CBFA2T3: variants seen among roughly 807,000 people sequenced by gnomAD.
CBFA2T3 encodes the protein transcriptional corepressor CBFA2T3.
Under a neutral mutation model 58.6 loss-of-function variants are expected in CBFA2T3, and 31 were observed. The observed-to-expected ratio is 0.53, with a 90% CI of 0.40 to 0.71. The LOEUF is 0.71. Among genes scored for constraint, CBFA2T3 ranks in the 30% least tolerant of loss-of-function variants. The probability of loss-of-function intolerance (pLI) is 0.00; values close to 1 mark genes in which losing one functional copy is unlikely to be tolerated. For missense variants in CBFA2T3, 1,076 were observed against 963.1 expected, an observed-to-expected ratio of 1.12 and a Z score of -1.55; for synonymous variants, 531 against 421.9, an observed-to-expected ratio of 1.26 and a Z score of -3.17.
At chr16:88,934,203 C>T (rs12932149) in intron 1 of CBFA2T3, among the ~76,000 whole-genome samples, 199 of 131,132 alleles carry the variant, frequency 1.5e-3, no homozygotes, top group African/African-American at 6.9e-3. Flanking sequence ...CCTCGGCACA[C>T]GGAGGCACCG....
intron 2 of CBFA2T3, among the ~76,000 whole-genome samples, chr16:88,900,354 C>G (rs1444665802): frequency 6.6e-6 from 1 of 152,274 alleles, no homozygotes; most frequent in Non-Finnish European, 1.5e-5. Context: ...GCTGCCTGAC[C>G]GCACAGCCAG....
At chr16:88,961,305 T>C (rs1172883812) in intron 1 of CBFA2T3, among the ~76,000 whole-genome samples, 4 of 152,180 alleles carry the variant, frequency 2.6e-5, no homozygotes, top group Admixed American at 6.5e-5. Flanking sequence ...TTCCACTGCA[T>C]AGTAACCGAC....
At chr16:88,945,569 C>T (rs747514186) in intron 1 of CBFA2T3, among the ~76,000 whole-genome samples, 2 of 152,200 alleles carry the variant, frequency 1.3e-5, no homozygotes, top group Non-Finnish European at 2.9e-5. Flanking sequence ...GCACAGGAAA[C>T]GATGCCCAGC....
intron 1 of CBFA2T3, among the ~76,000 whole-genome samples, chr16:88,910,087 C>T (rs1302584029): frequency 2.0e-5 from 3 of 152,218 alleles, no homozygotes; most frequent in Admixed American, 6.5e-5. Flanking sequence ...CCAGCTGTCC[C>T]CTCTGGCCTA....
At chr16:88,898,009 G>T in intron 3 of CBFA2T3, 69 bp downstream of exon 3, 1 of 1,164,772 alleles carries the variant, frequency 8.6e-7, no homozygotes, top group Non-Finnish European at 1.3e-6. Flanking sequence ...GGGCAGCAGT[G>T]TTGGGCCAGC....
intron 3 of CBFA2T3, 55 bp downstream of exon 3, chr16:88,898,023 G>C: frequency 1.5e-6 from 2 of 1,300,370 alleles, no homozygotes; most frequent in South Asian, 1.2e-5. Context: ...GGCCAGCTGA[G>C]GATGCTGCGG....
At chr16:88,915,812 C>T (rs1970699193) in intron 1 of CBFA2T3, among the ~76,000 whole-genome samples, 1 of 151,610 alleles carries the variant, frequency 6.6e-6, no homozygotes. Context: ...GGTGGGCGGG[C>T]GCCCTGGTGG....
chr16:88,949,307 C>T (rs1323303614), intron 1 of CBFA2T3, among the ~76,000 whole-genome samples: 1 of 152,172 alleles, frequency 6.6e-6, no homozygotes, highest in Non-Finnish European at 1.5e-5. Context: ...ACCTGTAATC[C>T]CAGCACTTCG....
At chr16:88,975,526 C>G (rs1972834140) in intron 1 of CBFA2T3, among the ~76,000 whole-genome samples, 1 of 152,258 alleles carries the variant, frequency 6.6e-6, no homozygotes, top group African/African-American at 2.4e-5. Context: ...CACTCAGCGC[C>G]AGGGGATAGA....
At chr16:88,957,182 C>T (rs1156909357) in intron 1 of CBFA2T3, among the ~76,000 whole-genome samples, 1 of 152,250 alleles carries the variant, frequency 6.6e-6, no homozygotes, top group African/African-American at 2.4e-5. Context: ...ACTCCTCCCC[C>T]ATCGACCCAC....
intron 1 of CBFA2T3, among the ~76,000 whole-genome samples, chr16:88,949,586 A>T (rs1971994394): frequency 6.6e-6 from 1 of 151,926 alleles, no homozygotes; most frequent in South Asian, 2.1e-4. Flanking sequence ...AAAAGAAAGA[A>T]GATGGGCTGG....
At chr16:88,949,919 A>G (rs193233691) in intron 1 of CBFA2T3, among the ~76,000 whole-genome samples, 2 of 152,220 alleles carry the variant, frequency 1.3e-5, no homozygotes, top group African/African-American at 4.8e-5. Context: ...CTGAGGCAGG[A>G]GAATCACTTG....
intron 1 of CBFA2T3, among the ~76,000 whole-genome samples, chr16:88,931,789 G>T (rs1050889296): frequency 7.2e-5 from 11 of 152,244 alleles, no homozygotes; most frequent in African/African-American, 2.2e-4. Flanking sequence ...GGATGCAGGT[G>T]CTGTGGTCCC....
intron 5 of CBFA2T3, among the ~76,000 whole-genome samples, chr16:88,889,550 C>A (rs1035662137): frequency 1.3e-5 from 2 of 151,908 alleles, no homozygotes; most frequent in African/African-American, 4.8e-5. Context: ...AGGTTTGAGC[C>A]CTGGCGCCCT....
chr16:88,927,238 G>A (rs1207346137), intron 1 of CBFA2T3, among the ~76,000 whole-genome samples: 1 of 152,176 alleles, frequency 6.6e-6, no homozygotes, highest in South Asian at 2.1e-4. Context: ...AGATGTCAGC[G>A]TCAAGGCCAG....
At chr16:88,916,345 G>T (rs569306014) in intron 1 of CBFA2T3, among the ~76,000 whole-genome samples, 9 of 150,666 alleles carry the variant, frequency 6.0e-5, no homozygotes, top group African/African-American at 2.2e-4. Flanking sequence ...TGTGTGCATG[G>T]GTGTGTGTCC....
intron 1 of CBFA2T3, among the ~76,000 whole-genome samples, chr16:88,950,010 A>G (rs1972010595): frequency 6.6e-6 from 1 of 152,082 alleles, no homozygotes; most frequent in African/African-American, 2.4e-5. Flanking sequence ...GTCTGAAAAA[A>G]AAGAAAAGAA....
chr16:88,973,445 A>G (rs988601919), intron 1 of CBFA2T3, among the ~76,000 whole-genome samples: 3 of 152,170 alleles, frequency 2.0e-5, no homozygotes, highest in Non-Finnish European at 2.9e-5. Flanking sequence ...CGGCACTGTG[A>G]GAACAGAAGC....
rs974001199 is a variant in CBFA2T3, at chr16:88,875,164, G to A, written c.*1812C>T. On this transcript the variant is annotated 3_prime_UTR_variant, in exon 12 of 12. Coordinates refer to ENST00000268679, the MANE Select transcript of CBFA2T3 (RefSeq NM_005187.6). ...GCCACGCCACGCACACAGATGCCAG[G>A]CCACGGGCCACACCACGCACACAGA... The A allele has an allele frequency of 3.8e-5, 9 of 236,326 alleles. No homozygotes were observed. The highest frequency in any genetic ancestry group is 7.5e-5 in the Non-Finnish European group (9 of 119,826). 14.6% of individuals were successfully genotyped at this position (236,326 alleles called of 1,614,324 possible).
Sources: allele counts gnomAD v4.1 joint callset (sites outside exome capture counted in the v4.1 genomes callset), GRCh38; gene constraint gnomAD v4.1.1; transcripts MANE v1.5; gene names NCBI Gene and HGNC (gene_info 2026-07-23, HGNC 2026-07-21).